TTLL11: variants seen among roughly 807,000 people sequenced by gnomAD.
TTLL11 encodes the protein tubulin polyglutamylase TTLL11.
A neutral mutation model predicts 51.7 loss-of-function variants in TTLL11; 42 were observed. The observed-to-expected ratio is 0.81, with a 90% CI of 0.64 to 1.05. The LOEUF (loss-of-function observed/expected upper bound fraction) is 1.05, where lower values mean the gene tolerates loss of function less well. TTLL11 is among the 50% of genes least tolerant of loss of function. The probability of loss-of-function intolerance (pLI) is 0.00; values close to 1 mark genes in which losing one functional copy is unlikely to be tolerated. For synonymous variants in TTLL11, 381 were observed against 383.5 expected, an observed-to-expected ratio of 0.99 and a Z score of 0.08; for missense variants, 799 against 940.4, an observed-to-expected ratio of 0.85 and a Z score of 1.97.
At chr9:122,031,057 T>C (rs1383065395) in intron 3 of TTLL11, among the ~76,000 whole-genome samples, 4 of 152,226 alleles carry the variant, frequency 2.6e-5, no homozygotes, top group Admixed American at 6.5e-5. Flanking sequence ...ATTGGTTGTA[T>C]AGTCACCCCA....
At chr9:121,847,121 A>T (rs1837538665) in intron 8 of TTLL11, among the ~76,000 whole-genome samples, 1 of 151,976 alleles carries the variant, frequency 6.6e-6, no homozygotes, top group African/African-American at 2.4e-5. Context: ...GAGGCAGAAG[A>T]ATGGCGTGAA....
At chr9:122,003,774 C>A (rs1371235307) in intron 3 of TTLL11, among the ~76,000 whole-genome samples, 3 of 151,040 alleles carry the variant, frequency 2.0e-5, no homozygotes, top group Admixed American at 6.6e-5. Flanking sequence ...CATGAGCCAC[C>A]GCACCCAGCT....
At chr9:121,884,085 G>C (rs1838902608) in intron 6 of TTLL11, among the ~76,000 whole-genome samples, 1 of 152,230 alleles carries the variant, frequency 6.6e-6, no homozygotes, top group African/African-American at 2.4e-5. Flanking sequence ...CACGATACAA[G>C]ATGGCTTAAA....
rs1275817902 is a variant in TTLL11, at chr9:121,974,554, A to C, written c.1365+330T>G. On this transcript the variant is annotated intron_variant, in intron 5 of 8. Coordinates refer to ENST00000321582, the MANE Select transcript of TTLL11 (RefSeq NM_001139442.2). ...ATCTTAGTGATTCAAGTATGTCAAC[A>C]TGACTAAATCATACTCATAGAATTT... Among the ~76,000 whole-genome samples, 7 of 152,304 alleles carry C rather than the reference A, an allele frequency of 4.6e-5. No individual in the cohort carries two copies. In the East Asian group the frequency reaches 7.7e-4, roughly 17 times the overall value.
chr9:122,072,371 C>T (rs893371032), intron 1 of TTLL11, among the ~76,000 whole-genome samples: 8 of 151,960 alleles, frequency 5.3e-5, no homozygotes, highest in Non-Finnish European at 1.0e-4. Flanking sequence ...CAGCCAGGTG[C>T]GGTGGCTCAC....
In TTLL11 at chr9:121,821,948, G is replaced by A. The variant is rs1426530582; in HGVS notation, c.*639C>T. The A allele has an allele frequency of 1.3e-5, 2 of 152,176 alleles. No homozygotes were observed. Among genetic ancestry groups the A allele is most frequent in the Non-Finnish European group, 2.9e-5 (2 of 68,024 alleles). 9.4% of individuals were successfully genotyped at this position (152,176 alleles called of 1,614,324 possible). A position where few individuals can be genotyped will look rare whatever the true frequency, so the allele number is the denominator to read the frequency against. ...GATCTCTGAGGCTCCTGCCAGCTCT[G>A]AGGCTCCAGGAGTCTTAGTTACTTC... On this transcript the variant is annotated 3_prime_UTR_variant, in exon 9 of 9. Coordinates refer to ENST00000321582, the MANE Select transcript of TTLL11 (RefSeq NM_001139442.2). The surrounding 1 kb of genome is among the most constrained non-coding windows in gnomAD (Gnocchi z 5.0).
At chr9:121,837,818 C>T (rs189578151) in intron 8 of TTLL11, among the ~76,000 whole-genome samples, 187 of 152,320 alleles carry the variant, frequency 1.2e-3, no homozygotes, top group African/African-American at 4.4e-3. Flanking sequence ...CGCCTGGGTA[C>T]CTTCCACTCC....
chr9:121,884,396 C>T (rs569786443), intron 6 of TTLL11, among the ~76,000 whole-genome samples: 25 of 152,262 alleles, frequency 1.6e-4, no homozygotes, highest in African/African-American at 5.8e-4. Context: ...TACTAACAAG[C>T]GCGGAGCTGA....
intron 8 of TTLL11, among the ~76,000 whole-genome samples, chr9:121,826,376 AGTGTGTGG>A (rs1836773270): frequency 8.0e-6 from 1 of 124,586 alleles, no homozygotes; most frequent in Non-Finnish European, 1.6e-5. Flanking sequence ...TATATATATG[AGTGTGTGG>A]GTGTATATAT....
intron 1 of TTLL11, among the ~76,000 whole-genome samples, chr9:122,047,425 T>C (rs1053179157): frequency 6.6e-6 from 1 of 152,080 alleles, no homozygotes; most frequent in Non-Finnish European, 1.5e-5. Flanking sequence ...TCAGGGTGGC[T>C]GCAGCAGAGA....
chr9:122,033,850 T>C (rs970491438), intron 2 of TTLL11, among the ~76,000 whole-genome samples: 2 of 152,202 alleles, frequency 1.3e-5, no homozygotes, highest in African/African-American at 2.4e-5. Flanking sequence ...CATGGACTGT[T>C]CAATAGTCAA....
intron 8 of TTLL11, among the ~76,000 whole-genome samples, chr9:121,849,880 C>T (rs1052709569): frequency 6.6e-6 from 1 of 152,242 alleles, no homozygotes; most frequent in South Asian, 2.1e-4. Context: ...AACCCCACCG[C>T]TACCAAATTC....
intron 3 of TTLL11, among the ~76,000 whole-genome samples, chr9:122,023,627 G>T (rs1171054689): frequency 6.6e-6 from 1 of 151,600 alleles, no homozygotes; most frequent in Non-Finnish European, 1.5e-5. Flanking sequence ...GGGATGCAGG[G>T]TTTGTTTAAT....
intron 1 of TTLL11, among the ~76,000 whole-genome samples, chr9:122,072,770 G>A (rs1025542300): frequency 3.9e-5 from 6 of 152,112 alleles, no homozygotes; most frequent in Admixed American, 3.3e-4. Flanking sequence ...CAGCTCAGAG[G>A]TGCATCCTAG....
intron 6 of TTLL11, chr9:121,885,200 C>T (rs1390192827): frequency 6.6e-6 from 1 of 152,198 alleles, no homozygotes; most frequent in Non-Finnish European, 1.5e-5. Context: ...GAAGATAATA[C>T]ATCCCCTTGA....
rs949462744 is a variant in TTLL11, at chr9:122,040,036, C to A, written c.463-668G>T. ...GGTCATCTGACTCAAGATGAGATAACCAGATTCTCTCTTCCAGGAATCTGG... is the reference window on the plus strand; with the variant it reads ...GGTCATCTGACTCAAGATGAGATAAACAGATTCTCTCTTCCAGGAATCTGG... On this transcript the variant is annotated intron_variant, in intron 1 of 8. Transcript: ENST00000321582. Among the ~76,000 whole-genome samples the A allele has an allele frequency of 6.6e-5, 10 of 152,216 alleles. 1 individual carries two copies. The highest frequency in any genetic ancestry group is 4.2e-4 in the South Asian group (2 of 4,814).
intron 1 of TTLL11, among the ~76,000 whole-genome samples, chr9:122,050,191 A>C (rs1845119778): frequency 6.6e-6 from 1 of 152,272 alleles, no homozygotes; most frequent in Non-Finnish European, 1.5e-5. Flanking sequence ...GACTGCGATA[A>C]CACATGGGAA....
intron 3 of TTLL11, among the ~76,000 whole-genome samples, chr9:122,000,985 T>C (rs1843444486): frequency 6.6e-6 from 1 of 152,242 alleles, no homozygotes; most frequent in African/African-American, 2.4e-5. Context: ...TCACTTAATC[T>C]CCACAGCTAA....
At chr9:122,090,774 A>G (rs1846239118) in intron 1 of TTLL11, among the ~76,000 whole-genome samples, 1 of 152,234 alleles carries the variant, frequency 6.6e-6, no homozygotes, top group Non-Finnish European at 1.5e-5. Context: ...ATAAACAAGC[A>G]ATACATAATA....
Sources: allele counts gnomAD v4.1 joint callset (sites outside exome capture counted in the v4.1 genomes callset), GRCh38; gene constraint gnomAD v4.1.1; non-coding constraint Gnocchi (gnomAD v3.1); transcripts MANE v1.5; gene names NCBI Gene and HGNC (gene_info 2026-07-23, HGNC 2026-07-21).